MCM9: variants seen among roughly 807,000 people sequenced by gnomAD.
The protein encoded by MCM9 is minichromosome maintenance 9 homologous recombination repair factor.
Under a neutral mutation model 72.8 loss-of-function variants are expected in MCM9, and 55 were observed. The ratio of observed to expected loss-of-function variants is 0.76; its 90% CI spans 0.61 to 0.95. MCM9 has a LOEUF of 0.95. Ranked by LOEUF, MCM9 falls within the 40% of genes least tolerant of loss-of-function variation. The pLI, the probability that MCM9 is intolerant of heterozygous loss-of-function variation, is 0.00. For missense variants in MCM9, 1,279 were observed against 1,377.0 expected, an observed-to-expected ratio of 0.93 and a Z score of 1.13; for synonymous variants, 480 against 503.4, an observed-to-expected ratio of 0.95 and a Z score of 0.62.
chr6:118,890,898 C>T (rs1042188968), intron 8 of MCM9, among the ~76,000 whole-genome samples: 5 of 152,108 alleles, frequency 3.3e-5, no homozygotes, highest in African/African-American at 1.2e-4. Context: ...ACAGTGATTA[C>T]CCGAGGTGGA....
intron 12 of MCM9, 65 bp downstream of exon 12, chr6:118,826,716 TG>T: frequency 8.8e-7 from 1 of 1,136,684 alleles, no homozygotes; most frequent in South Asian, 1.4e-5. Flanking sequence ...GTTAATAAAG[TG>T]TCCTTTTTTA....
chr6:118,845,904 T>C (rs1354634629), intron 9 of MCM9, among the ~76,000 whole-genome samples: 1 of 151,808 alleles, frequency 6.6e-6, no homozygotes, highest in African/African-American at 2.4e-5. Flanking sequence ...TAATTTTAAA[T>C]ATGCTTCCCT....
intron 13 of MCM9, among the ~76,000 whole-genome samples, chr6:118,819,444 C>T (rs1036821729): frequency 1.3e-5 from 2 of 152,162 alleles, no homozygotes; most frequent in African/African-American, 4.8e-5. Flanking sequence ...GTATGTTGAA[C>T]CAGCCTTGCA....
intron 8 of MCM9, among the ~76,000 whole-genome samples, chr6:118,877,826 T>C (rs139625857): frequency 0.033 from 4,949 of 152,142 alleles, 221 homozygotes; most frequent in African/African-American, 0.1. Flanking sequence ...GATGAATAAA[T>C]TGTGGTATAT....
At chr6:118,841,636 G>T (rs1775372725) in intron 9 of MCM9, among the ~76,000 whole-genome samples, 1 of 152,154 alleles carries the variant, frequency 6.6e-6, no homozygotes, top group Non-Finnish European at 1.5e-5. Flanking sequence ...AGTTAGATCT[G>T]TGCCCTGGCC....
At chr6:118,894,098 G>A (rs938212928) in intron 8 of MCM9, 19 of 1,140,386 alleles carry the variant, frequency 1.7e-5, no homozygotes, top group South Asian at 2.5e-5. Context: ...GTCCATTCCG[G>A]GAGCGGGAGC....
intron 9 of MCM9, among the ~76,000 whole-genome samples, chr6:118,852,833 T>C (rs1274699846): frequency 3.3e-5 from 5 of 152,248 alleles, no homozygotes; most frequent in Non-Finnish European, 7.3e-5. Context: ...CAGAAATTTC[T>C]GATTTTTCTC....
Position 118,931,733 on chromosome 6 carries a change from A to C in MCM9, c.-10T>G, listed in dbSNP as rs1782449230. The C allele has an allele frequency of 6.3e-7, 1 of 1,579,416 alleles. No individual in the cohort carries two copies. Among genetic ancestry groups the C allele is most frequent in the African/African-American group, 1.4e-5 (1 of 73,298 alleles). On this transcript the variant is annotated 5_prime_UTR_variant, in exon 3 of 14. An upstream open reading frame in the 5' UTR loses its in-frame stop. Coordinates refer to ENST00000619706, the MANE Select transcript of MCM9 (RefSeq NM_017696.3). ...CTTGATCGCTATTCATCTTGAATCTAGGTAACTAAAGAAAAAAAAAAGGAT... is the reference window on the plus strand; with the variant it reads ...CTTGATCGCTATTCATCTTGAATCTCGGTAACTAAAGAAAAAAAAAAGGAT...
At chr6:118,894,642 G>C (rs369772974) in intron 8 of MCM9, 13 of 856,752 alleles carry the variant, frequency 1.5e-5, no homozygotes, top group Admixed American at 7.6e-5. Flanking sequence ...GGGCTGCTCT[G>C]CGGAGGGAAA....
intron 8 of MCM9, among the ~76,000 whole-genome samples, chr6:118,892,030 G>C (rs1166585867): frequency 6.6e-6 from 1 of 152,232 alleles, no homozygotes; most frequent in African/African-American, 2.4e-5. Context: ...AAACCAGAGA[G>C]AGGCTTTCAC....
intron 9 of MCM9, among the ~76,000 whole-genome samples, chr6:118,849,025 G>T (rs548888256): frequency 2.1e-4 from 32 of 151,910 alleles, no homozygotes; most frequent in African/African-American, 7.8e-4. Flanking sequence ...ACCAATAAAT[G>T]TAAGTGTGCT....
intron 9 of MCM9, among the ~76,000 whole-genome samples, chr6:118,835,804 A>G (rs1774914796): frequency 6.6e-6 from 1 of 152,168 alleles, no homozygotes; most frequent in Non-Finnish European, 1.5e-5. Flanking sequence ...GACAGAAACA[A>G]TTTGACTTCC....
intron 6 of MCM9, 131 bp from the exon 7 acceptor site, chr6:118,913,551 T>C: frequency 8.7e-7 from 1 of 1,144,418 alleles, no homozygotes; most frequent in Non-Finnish European, 1.2e-6. Flanking sequence ...GGAGGTCCAA[T>C]TCCAAATGAC....
At chr6:118,921,911 T>C in intron 5 of MCM9, 94 bp downstream of exon 5, 2 of 904,198 alleles carry the variant, frequency 2.2e-6, no homozygotes, top group Non-Finnish European at 3.5e-6. Context: ...TACATTTCCC[T>C]TGCCAGTGAT....
At chr6:118,889,870 A>G (rs1242571173) in intron 8 of MCM9, among the ~76,000 whole-genome samples, 2 of 152,254 alleles carry the variant, frequency 1.3e-5, no homozygotes, top group Non-Finnish European at 2.9e-5. Flanking sequence ...TATACCTTCA[A>G]CAAACTTCTA....
intron 8 of MCM9, among the ~76,000 whole-genome samples, chr6:118,881,363 G>A (rs961280670): frequency 6.6e-6 from 1 of 151,818 alleles, no homozygotes; most frequent in South Asian, 2.1e-4. Flanking sequence ...AGTACCTCCA[G>A]TCAATACATA....
chr6:118,870,744 G>A (rs1043095072), intron 8 of MCM9, among the ~76,000 whole-genome samples: 1 of 151,778 alleles, frequency 6.6e-6, no homozygotes, highest in Non-Finnish European at 1.5e-5. Context: ...GAAAAAGAGA[G>A]AAGACTCAAA....
rs997961341 is a variant in MCM9 at position 118,891,272 on chromosome 6, A to C, written c.1150+20378T>G. On this transcript the variant is annotated intron_variant, in intron 8 of 13. Transcript: ENST00000619706. ...ACTGGCATGGCTAAAGGACCACATC[A>C]TTTCACCCACAGGAAGTGCTTGGGA... 3.3e-5 allele frequency among the ~76,000 whole-genome samples: 5 copies of C among 152,146 alleles called. No individual in the cohort carries two copies. The South Asian group carries it at 8.3e-4, about 25-fold the overall frequency.
At chr6:118,889,683 A>G (rs563181415) in intron 8 of MCM9, among the ~76,000 whole-genome samples, 1 of 152,346 alleles carries the variant, frequency 6.6e-6, no homozygotes, top group Admixed American at 6.5e-5. Flanking sequence ...AGAAACAGAA[A>G]ATAATTATTA....
Sources: gnomAD v4.1 joint callset for allele counts (sites outside exome capture counted in the v4.1 genomes callset) on GRCh38, gnomAD v4.1.1 for gene constraint, MANE v1.5 for transcripts, NCBI Gene and HGNC (gene_info 2026-07-23, HGNC 2026-07-21) for gene names.